STX10: variants seen among roughly 807,000 people sequenced by gnomAD.
STX10 encodes syntaxin 10, also known as syntaxin-10.
STX10 carries 35 observed loss-of-function variants against 34.1 expected under a neutral mutation model. That is an observed-to-expected ratio of 1.03 (90% confidence interval 0.78 to 1.36). The LOEUF (loss-of-function observed/expected upper bound fraction) is 1.36. Ranked by LOEUF, STX10 falls within the 40% of genes most tolerant of loss-of-function variation. The pLI is 0.00. For synonymous variants in STX10, 155 were observed against 132.9 expected (o/e 1.17, Z -1.15); for missense variants, 361 against 335.5 (o/e 1.08, Z -0.59).
intron 1 of STX10, 35 bp from the exon 2 acceptor site, chr19:13,149,932 C>T: frequency 6.5e-7 from 1 of 1,530,958 alleles, no homozygotes; most frequent in Non-Finnish European, 8.8e-7. Context: ...CGGCTGGGGG[C>T]AGGCGGTCCT....
chr19:13,146,195 CA>C (rs111677011), intron 4 of STX10, among the ~76,000 whole-genome samples: 50,266 of 136,382 alleles, frequency 0.37, 10,232 homozygotes, highest in African/African-American at 0.61. Flanking sequence ...GACCTTGCCT[CA>C]AAAAAAAAAA....
At chr19:13,145,430 C>T (rs1404552945) in intron 4 of STX10, 35 bp from the exon 5 acceptor site, 3 of 1,576,082 alleles carry the variant, frequency 1.9e-6, no homozygotes, top group African/African-American at 2.7e-5. Flanking sequence ...CAGGGAGAGA[C>T]CCCAACTCAC....
Position 13,144,417 on chromosome 19 carries a change from GAGAATAGTA to G in STX10, c.734_742del (p.Leu245_Phe247del), listed in dbSNP as rs2019846218. On this transcript the variant is annotated inframe_deletion, in exon 8 of 8. Transcript: ENST00000587230. ...TGCCAGGGAGGGCTGGGGTCAGAGA[GAGAATAGTA>G]AGATGAGAACGAGGAGAAGCACCCC... The G allele has an allele frequency of 6.2e-7, 1 of 1,610,078 alleles. No individual in the cohort carries two copies. Among genetic ancestry groups the G allele is most frequent in the Non-Finnish European group, 8.5e-7 (1 of 1,178,804 alleles).
At chr19:13,149,972 C>G (rs891136027) in intron 1 of STX10, 75 bp from the exon 2 acceptor site, 67 of 1,508,766 alleles carry the variant, frequency 4.4e-5, no homozygotes, top group Admixed American at 1.8e-4. Context: ...GACTGCAAAC[C>G]CAAACGCATG....
At chr19:13,145,748 G>A (rs555924791) in intron 4 of STX10, among the ~76,000 whole-genome samples, 5 of 152,102 alleles carry the variant, frequency 3.3e-5, no homozygotes, top group South Asian at 4.2e-4. Flanking sequence ...AAATTGGGCC[G>A]GGCACAGTGG....
In STX10 at chr19:13,149,097, G is replaced by C. The variant is rs1600023895; in HGVS notation, c.301-6C>G. 1 of 1,590,204 alleles carries C rather than the reference G, an allele frequency of 6.3e-7. No individual in the cohort carries two copies. The highest frequency in any genetic ancestry group is 8.6e-7 in the Non-Finnish European group (1 of 1,167,940). Reference sequence around the variant, plus strand: ...ACCATATGGTCCTTCATTTCCTGGAGGTAAGGACAGCATTAGGGAGGAAAG... The same window carrying C: ...ACCATATGGTCCTTCATTTCCTGGACGTAAGGACAGCATTAGGGAGGAAAG... On this transcript the variant is annotated splice_polypyrimidine_tract_variant and splice_region_variant and intron_variant, in intron 3 of 7. Coordinates refer to ENST00000587230, the MANE Select transcript of STX10 (RefSeq NM_003765.3).
In STX10 at chr19:13,150,232, C is replaced by A. The variant is rs2020031952; in HGVS notation, c.-59G>T. 1 of 712,736 alleles carries A rather than the reference C, an allele frequency of 1.4e-6. No individual in the cohort carries two copies. The highest frequency in any genetic ancestry group is 2.8e-5 in the East Asian group (1 of 35,610). The allele number at this position is 712,736 out of a possible 1,614,324, so 44.2% of individuals were successfully genotyped here. ...CCCGGCCTGGGTTCGCGGGCTGGTT[C>A]CCTCCCAACCGAGGAGAACGCGCCG... is the stretch of plus-strand genomic sequence containing the variant. On this transcript the variant is annotated 5_prime_UTR_variant, in exon 1 of 8. Transcript: ENST00000587230. The surrounding 1 kb of genome is among the most constrained non-coding windows in gnomAD (Gnocchi z 4.0).
At position 13,150,079 on chromosome 19, in the gene STX10, C is replaced by G. The variant is rs2020025053; in HGVS notation, c.35+60G>C. ...CGCCGGGCACGCTGGGGCCGGCACCCGGGCACTGGCTGGCTTGGGTACAGA... is the reference window on the plus strand; with the variant it reads ...CGCCGGGCACGCTGGGGCCGGCACCGGGGCACTGGCTGGCTTGGGTACAGA... On this transcript the variant is annotated intron_variant, in intron 1 of 7. Coordinates refer to ENST00000587230, the MANE Select transcript of STX10 (RefSeq NM_003765.3). This position sits in a 1 kb window ranked among gnomAD's most constrained non-coding sequence, Gnocchi z 4.0. The G allele has an allele frequency of 8.1e-6, 9 of 1,113,072 alleles. No individual in the cohort carries two copies. The East Asian group carries it at 2.3e-4, about 28-fold the overall frequency. 68.9% of individuals were successfully genotyped at this position (1,113,072 alleles called of 1,614,324 possible).
chr19:13,149,415 AAAAAAAAAAAAAAAGAAAGAAAGAAAG>A (rs2019992496), intron 3 of STX10, 57 bp downstream of exon 3: 4 of 1,031,746 alleles, frequency 3.9e-6, no homozygotes, highest in Middle Eastern at 2.5e-4. Flanking sequence ...CTGTCTCAAA[AAAAAAAAAAAAAAAGAAAGAAAGAAAG>A]AAAAAAAAAC....
At position 13,149,910 on chromosome 19, in the gene STX10, G is replaced by T. The variant is rs751543090; in HGVS notation, c.36-13C>A. The T allele has an allele frequency of 6.4e-7, 1 of 1,559,040 alleles. No individual in the cohort carries two copies. Among genetic ancestry groups the T allele is most frequent in the South Asian group, 1.2e-5 (1 of 86,546 alleles). On this transcript the variant is annotated splice_polypyrimidine_tract_variant and intron_variant, in intron 1 of 7. Coordinates refer to ENST00000587230, the MANE Select transcript of STX10 (RefSeq NM_003765.3). ...CTTCTGCACCTCGCTGCGGGCAGGG[G>T]CACGGCGGGCGCGGCTGGGGGCAGG... is the stretch of plus-strand genomic sequence containing the variant.
chr19:13,147,343 T>C (rs1225586083), intron 4 of STX10, among the ~76,000 whole-genome samples: 2 of 151,956 alleles, frequency 1.3e-5, no homozygotes, highest in Admixed American at 6.6e-5. Flanking sequence ...CACACTCCTG[T>C]TGTCCCAGCT....
Position 13,144,455 on chromosome 19 carries a change from T to C in STX10, c.705A>G (p.Leu235=). 1 of 1,612,982 alleles carries C rather than the reference T, an allele frequency of 6.2e-7. No homozygotes were observed. Among genetic ancestry groups the C allele is most frequent in the Non-Finnish European group, 8.5e-7 (1 of 1,179,712 alleles). ...TGAGAACGAGGAGAAGCACCCCCAC[T>C]AGCACGGCGATGGCACACCACTGTC... is the stretch of plus-strand genomic sequence containing the variant. The part of the protein sequence containing the change: ...DRRQWCAIAV[L]VGVLLLVLIL... The change falls in exon 8 of 8, where the codon CTA becomes CTG. Residue 235 remains leucine (L), a synonymous_variant. Coordinates refer to ENST00000587230, the MANE Select transcript of STX10 (RefSeq NM_003765.3).
At position 13,150,372 on chromosome 19, in the gene STX10, G is replaced by T; in HGVS notation, c.-199C>A. ...CCCTCTCCTCAGCCATCTTGGTTGT[G>T]GGCAGAGGCAGCTTCCGGTGCACAT... is the stretch of plus-strand genomic sequence containing the variant. On this transcript the variant is annotated 5_prime_UTR_variant, in exon 1 of 8. Coordinates refer to ENST00000587230, the MANE Select transcript of STX10 (RefSeq NM_003765.3). This position sits in a 1 kb window ranked among gnomAD's most constrained non-coding sequence, Gnocchi z 4.0. 1 of 559,120 alleles carries T rather than the reference G, an allele frequency of 1.8e-6. No homozygotes were observed. Among genetic ancestry groups the T allele is most frequent in the Non-Finnish European group, 3.2e-6 (1 of 315,058 alleles). 34.6% of individuals were successfully genotyped at this position (559,120 alleles called of 1,614,324 possible). A position where few individuals can be genotyped will look rare whatever the true frequency, so the allele number is the denominator to read the frequency against.
At chr19:13,147,064 T>C (rs2019915080) in intron 4 of STX10, among the ~76,000 whole-genome samples, 1 of 118,304 alleles carries the variant, frequency 8.5e-6, no homozygotes, top group African/African-American at 3.2e-5. Context: ...CAGAGGTGGT[T>C]GGGAGAAACA....
chr19:13,148,349 C>CA (rs1371707539), intron 4 of STX10, among the ~76,000 whole-genome samples: 1 of 150,594 alleles, frequency 6.6e-6, no homozygotes, highest in Non-Finnish European at 1.5e-5. Context: ...ACTAAAAATA[C>CA]AAAATTAGCC....
intron 4 of STX10, among the ~76,000 whole-genome samples, chr19:13,147,893 CA>C (rs1159793123): frequency 8.6e-3 from 470 of 54,592 alleles, no homozygotes; most frequent in African/African-American, 0.031. Context: ...CACTCCGTCT[CA>C]AAAAAAAAAA....
chr19:13,144,542 C>T (rs773469677), intron 7 of STX10, 35 bp downstream of exon 7: 40 of 1,613,874 alleles, frequency 2.5e-5, no homozygotes, highest in Middle Eastern at 1.6e-4. Flanking sequence ...CAACCTGCCC[C>T]CACCAGGACT....
rs775630820 is a variant in STX10, at chr19:13,149,130, G to A, written c.301-39C>T. On this transcript the variant is annotated intron_variant, in intron 3 of 7. Coordinates refer to ENST00000587230, the MANE Select transcript of STX10 (RefSeq NM_003765.3). ...CAGCATTAGGGAGGAAAGACACTCAGGCTGGGCGCGGTGGCTCACGCCTGT... is the reference window on the plus strand; with the variant it reads ...CAGCATTAGGGAGGAAAGACACTCAAGCTGGGCGCGGTGGCTCACGCCTGT... The A allele has an allele frequency of 2.6e-6, 4 of 1,546,582 alleles. No homozygotes were observed. In the East Asian group the frequency reaches 7.2e-5, roughly 28 times the overall value.
At chr19:13,146,290 T>TA (rs1407332739) in intron 4 of STX10, among the ~76,000 whole-genome samples, 4 of 152,202 alleles carry the variant, frequency 2.6e-5, no homozygotes, top group Non-Finnish European at 5.9e-5. Context: ...GGGGGACACT[T>TA]ACAGCAGTGC....
Sources: gnomAD v4.1 joint callset for allele counts (sites outside exome capture counted in the v4.1 genomes callset) on GRCh38, gnomAD v4.1.1 for gene constraint, Gnocchi (gnomAD v3.1) non-coding constraint, MANE v1.5 for transcripts, NCBI Gene and HGNC (gene_info 2026-07-23, HGNC 2026-07-21) for gene names.